Variants in KCNG3 observed in about 807,000 individuals in gnomAD.
The protein encoded by KCNG3 is voltage-gated potassium channel regulatory subunit KCNG3.
A neutral mutation model predicts 29.0 loss-of-function variants in KCNG3; 15 were observed. The ratio of observed to expected loss-of-function variants is 0.52; its 90% CI spans 0.35 to 0.80. The LOEUF (loss-of-function observed/expected upper bound fraction) is 0.80. Among genes scored for constraint, KCNG3 ranks in the 30% least tolerant of loss-of-function variants. KCNG3 has a pLI of 0.01. For synonymous variants in KCNG3, 322 were observed against 248.9 expected (o/e 1.29, Z -2.76); for missense variants, 512 against 605.7 (o/e 0.85, Z 1.62).
At chr2:42,404,652 C>A in the KCNG3 span, among the ~76,000 whole-genome samples, 27 of 152,024 alleles carry the variant, frequency 1.8e-4, no homozygotes, top group East Asian at 5.2e-3. Context: ...TGCTTCAGCC[C>A]GGGAGGCGGA....
chr2:42,399,936 T>C, the KCNG3 span, among the ~76,000 whole-genome samples: 2 of 152,146 alleles, frequency 1.3e-5, no homozygotes, highest in Non-Finnish European at 2.9e-5. Context: ...GGACAAAGGA[T>C]GCATCAGTGT....
rs575456826 is a variant in KCNG3, at chr2:42,481,146, G to A, written c.665+11691C>T. Among the ~76,000 whole-genome samples, 454 of 152,274 alleles carry A rather than the reference G, an allele frequency of 3.0e-3. 1 individual carries two copies. The highest frequency in any genetic ancestry group is 1.0e-2 in the African/African-American group (415 of 41,558). ...AGGCAGTGGGCCTGAGTTCGTCTGC[G>A]GGTTATAGTCTGCCCACCCCAGCTC... On this transcript the variant is annotated intron_variant, in intron 1 of 1. Coordinates refer to ENST00000306078, the MANE Select transcript of KCNG3 (RefSeq NM_133329.6).
chr2:42,474,057 C>T (rs1469512749), intron 1 of KCNG3, among the ~76,000 whole-genome samples: 1 of 151,794 alleles, frequency 6.6e-6, no homozygotes, highest in African/African-American at 2.4e-5. Flanking sequence ...GAGGCTGAGG[C>T]AGGAGAATCG....
downstream of KCNG3, among the ~76,000 whole-genome samples, chr2:42,437,070 C>A (rs1242093550): frequency 2.6e-5 from 4 of 151,992 alleles, no homozygotes; most frequent in South Asian, 8.3e-4. Flanking sequence ...TTTTCCCATA[C>A]GAATGTCTGG....
chr2:42,473,187 C>T (rs1023326400), intron 1 of KCNG3, among the ~76,000 whole-genome samples: 4 of 151,878 alleles, frequency 2.6e-5, no homozygotes, highest in South Asian at 2.1e-4. Context: ...TGAGCCACCG[C>T]GTCCGGCCCT....
Position 42,444,950 on chromosome 2 carries a change from C to G in KCNG3, c.666-371G>C, listed in dbSNP as rs1219506216. 1.3e-5 allele frequency among the ~76,000 whole-genome samples: 2 copies of G among 151,702 alleles called. No homozygotes were observed. Among genetic ancestry groups the G allele is most frequent in the East Asian group, 3.9e-4 (2 of 5,176 alleles). On this transcript the variant is annotated intron_variant, in intron 1 of 1. Coordinates refer to ENST00000306078, the MANE Select transcript of KCNG3 (RefSeq NM_133329.6). The surrounding 1 kb of genome is among the most constrained non-coding windows in gnomAD (Gnocchi z 5.8). ...GCTTGGTGACACACACCTGTAGTAC[C>G]ACCTACCTGGGAGGCTAAGGTGGGA...
chr2:42,409,654 T>C, the KCNG3 span, among the ~76,000 whole-genome samples: 1 of 135,256 alleles, frequency 7.4e-6, no homozygotes, highest in Non-Finnish European at 1.5e-5. Context: ...CAGTGAGCCA[T>C]GATTGTGCCA....
At chr2:42,399,998 A>G in the KCNG3 span, among the ~76,000 whole-genome samples, 1 of 152,192 alleles carries the variant, frequency 6.6e-6, no homozygotes, top group South Asian at 2.1e-4. Context: ...GGTCCCAGCT[A>G]TTCAGGAGGC....
chr2:42,451,468 T>C (rs1315040018), intron 1 of KCNG3, among the ~76,000 whole-genome samples: 1 of 151,980 alleles, frequency 6.6e-6, no homozygotes, highest in Non-Finnish European at 1.5e-5. Flanking sequence ...CTCACGCCTG[T>C]AATCCCAGCA....
rs374959047 is a variant in KCNG3, at chr2:42,444,039, T to C, written c.1206A>G (p.Ala402=). The change falls in exon 2 of 2, where the codon GCA becomes GCG. Residue 402 remains alanine (A), a synonymous_variant. Coordinates refer to ENST00000306078, the MANE Select transcript of KCNG3 (RefSeq NM_133329.6). This position sits in a 1 kb window ranked among gnomAD's most constrained non-coding sequence, Gnocchi z 5.8. ...VCVVSGIVLL[A]LPITFIYHSF... is the part of the protein sequence containing the mutation. The stretch of plus-strand genomic sequence containing the variant: ...TATGGTAGATAAAAGTGATAGGTAA[T>C]GCCAATAGAACAATTCCACTGACAA... The C allele has an allele frequency of 1.9e-6, 3 of 1,614,092 alleles. No homozygotes were observed. Among genetic ancestry groups the C allele is most frequent in the African/African-American group, 1.3e-5 (1 of 74,926 alleles).
rs183577998 is a variant in KCNG3, at chr2:42,490,342, G to A, written c.665+2495C>T. On this transcript the variant is annotated intron_variant, in intron 1 of 1. Transcript: ENST00000306078. ...TGTAGTCCTAGCACTTTGGAAGGCC[G>A]ACACGGGTGGATCACCTGAGGTCAG... Among the ~76,000 whole-genome samples the A allele has an allele frequency of 6.0e-4, 91 of 152,180 alleles. No individual in the cohort carries two copies. The East Asian group carries it at 0.016, about 26-fold the overall frequency.
At chr2:42,417,335 T>C in the KCNG3 span, among the ~76,000 whole-genome samples, 1 of 152,120 alleles carries the variant, frequency 6.6e-6, no homozygotes, top group Non-Finnish European at 1.5e-5. Context: ...GGGAGGAAGA[T>C]TTGGAGACAG....
At chr2:42,490,380 A>C (rs1263722408) in intron 1 of KCNG3, among the ~76,000 whole-genome samples, 1 of 152,152 alleles carries the variant, frequency 6.6e-6, no homozygotes, top group Non-Finnish European at 1.5e-5. Flanking sequence ...GTTCGAGACC[A>C]GTCTGACCAA....
chr2:42,489,610 G>A (rs1673822684), intron 1 of KCNG3, among the ~76,000 whole-genome samples: 1 of 152,086 alleles, frequency 6.6e-6, no homozygotes, highest in Admixed American at 6.5e-5. Flanking sequence ...CATCCACTAG[G>A]GTGATCAGTA....
At chr2:42,401,759 A>G in the KCNG3 span, among the ~76,000 whole-genome samples, 10 of 152,130 alleles carry the variant, frequency 6.6e-5, no homozygotes, top group Non-Finnish European at 1.2e-4. Flanking sequence ...ATATTTTAAA[A>G]GAAATACTGT....
intron 1 of KCNG3, among the ~76,000 whole-genome samples, chr2:42,487,964 A>C (rs962036338): frequency 1.3e-5 from 2 of 152,208 alleles, no homozygotes; most frequent in Non-Finnish European, 1.5e-5. Flanking sequence ...TGTTAGTTAA[A>C]AAGCAAGTTT....
rs1355018613 is a variant in KCNG3, at chr2:42,493,517, G to A, written c.-16C>T. Reference sequence around the variant, plus strand: ...CGAAGGTCATGGCTGGCCGCCCGGGGGACTTTCGGCCCGAGGGCCCCGCTG... The same window carrying A: ...CGAAGGTCATGGCTGGCCGCCCGGGAGACTTTCGGCCCGAGGGCCCCGCTG... On this transcript the variant is annotated 5_prime_UTR_variant, in exon 1 of 2. Transcript: ENST00000306078. The A allele has an allele frequency of 1.8e-5, 24 of 1,353,050 alleles. No homozygotes were observed. The highest frequency in any genetic ancestry group is 2.3e-5 in the Non-Finnish European group (24 of 1,060,268). 83.8% of individuals were successfully genotyped at this position (1,353,050 alleles called of 1,614,324 possible). A position where few individuals can be genotyped will look rare whatever the true frequency, so the allele number is the denominator to read the frequency against.
the KCNG3 span, among the ~76,000 whole-genome samples, chr2:42,398,427 AG>A: frequency 5.3e-5 from 8 of 152,162 alleles, no homozygotes; most frequent in Non-Finnish European, 7.4e-5. Context: ...ACAGTGTCCC[AG>A]GAAGAGCCCT....
chr2:42,479,147 C>A (rs953301007), intron 1 of KCNG3, among the ~76,000 whole-genome samples: 1 of 152,064 alleles, frequency 6.6e-6, no homozygotes, highest in Non-Finnish European at 1.5e-5. Flanking sequence ...TCTCCTGAAT[C>A]CCAGTTTTGA....
Sources: allele counts gnomAD v4.1 joint callset (sites outside exome capture counted in the v4.1 genomes callset), GRCh38; gene constraint gnomAD v4.1.1; non-coding constraint Gnocchi (gnomAD v3.1); transcripts MANE v1.5; gene names NCBI Gene and HGNC (gene_info 2026-07-23, HGNC 2026-07-21).